The following NKTR variants were observed in gnomAD, a reference collection of about 807,000 sequenced individuals.
NKTR encodes the protein natural killer cell triggering receptor.
NKTR carries 67 observed loss-of-function variants against 156.3 expected under a neutral mutation model. The ratio of observed to expected loss-of-function variants is 0.43; its 90% CI spans 0.35 to 0.53. NKTR has a LOEUF of 0.53. Among genes scored for constraint, NKTR ranks in the 20% least tolerant of loss-of-function variants. The pLI, the probability that NKTR is intolerant of heterozygous loss-of-function variation, is 0.01. For synonymous variants in NKTR, 640 were observed against 596.6 expected (o/e 1.07, Z -1.06); for missense variants, 1,604 against 1,730.9 (o/e 0.93, Z 1.30).
intron 8 of NKTR, 36 bp from the exon 9 acceptor site, chr3:42,632,565 T>C: frequency 7.5e-7 from 1 of 1,339,768 alleles, no homozygotes; most frequent in Non-Finnish European, 1.1e-6. Flanking sequence ...AGGCACTGAA[T>C]TTAGTACTAA....
intron 13 of NKTR, among the ~76,000 whole-genome samples, chr3:42,641,697 G>A (rs1709900205): frequency 6.6e-6 from 1 of 152,068 alleles, no homozygotes; most frequent in African/African-American, 2.4e-5. Flanking sequence ...AACCAACATG[G>A]TGAAACCCTG....
intron 2 of NKTR, among the ~76,000 whole-genome samples, chr3:42,610,324 T>C (rs1005814382): frequency 4.6e-5 from 7 of 152,160 alleles, no homozygotes; most frequent in African/African-American, 1.7e-4. Context: ...CTAGAATTTC[T>C]GAAAGAGCAT....
In NKTR at chr3:42,635,328, T is replaced by G; in HGVS notation, c.1125T>G (p.Tyr375Ter). 6.2e-7 allele frequency: 1 copy of G among 1,613,084 alleles called. No homozygotes were observed. The highest frequency in any genetic ancestry group is 8.5e-7 in the Non-Finnish European group (1 of 1,179,510). Residue 375 changes from tyrosine to a stop codon, truncating the protein, a stop_gained, in exon 12 of 17, where the codon TAT becomes TAG. Coordinates refer to ENST00000232978, the MANE Select transcript of NKTR (RefSeq NM_005385.4). LOFTEE classifies it high-confidence loss of function. ...AGGAAATGCAGAGATTAAGAGCATA[T>G]AGACCACCTAGTGGAGAAAAATGGA... ...WKEEMQRLRAYRPPSGEKWSK... is the reference protein window; with the variant it reads ...WKEEMQRLRA
intron 2 of NKTR, 125 bp from the exon 3 acceptor site, chr3:42,617,445 C>A: frequency 1.7e-6 from 1 of 573,200 alleles, no homozygotes; most frequent in South Asian, 2.3e-5. Flanking sequence ...CCCATTACAT[C>A]TTTTAAAAAA....
At position 42,627,989 on chromosome 3, in the gene NKTR, G is replaced by A. The variant is rs1238366530; in HGVS notation, c.375-2557G>A. 6.1e-6 allele frequency: 6 copies of A among 985,098 alleles called. No homozygotes were observed. In the East Asian group the frequency reaches 3.4e-4, roughly 56 times the overall value. 61.0% of individuals were successfully genotyped at this position (985,098 alleles called of 1,614,324 possible). On this transcript the variant is annotated intron_variant, in intron 6 of 16. Transcript: ENST00000232978. ...TGGATTGTGGATATTATTTCTCTCC[G>A]CCCTTTTGTAACCCTCTTTGGCTAA...
intron 6 of NKTR, chr3:42,627,608 A>G (rs1708507475): frequency 3.0e-6 from 3 of 985,248 alleles, no homozygotes; most frequent in South Asian, 4.7e-5. Flanking sequence ...TAAGATTTAT[A>G]AGGCTTAAAT....
At chr3:42,635,451 T>C in intron 12 of NKTR, 85 bp downstream of exon 12, 1 of 1,074,484 alleles carries the variant, frequency 9.3e-7, no homozygotes, top group Non-Finnish European at 1.3e-6. Flanking sequence ...GACTTTTCAT[T>C]AAAGATTCAG....
intron 1 of NKTR, 89 bp downstream of exon 1, chr3:42,600,867 C>G (rs1039632663): frequency 5.1e-6 from 3 of 591,594 alleles, no homozygotes; most frequent in Admixed American, 8.7e-5. Context: ...CCTGCGCTGT[C>G]GCGACGGGCC....
intron 5 of NKTR, chr3:42,620,867 G>A (rs528892365): frequency 3.1e-6 from 3 of 968,750 alleles, no homozygotes; most frequent in East Asian, 2.3e-4. Flanking sequence ...GTTTCACAGG[G>A]CTTTCTTCCT....
intron 7 of NKTR, 194 bp downstream of exon 7, chr3:42,630,769 CTG>C: frequency 7.2e-7 from 1 of 1,391,910 alleles, no homozygotes; most frequent in Non-Finnish European, 9.3e-7. Flanking sequence ...AGGAGTCAAT[CTG>C]TGCTCATGGA....
chr3:42,619,961 C>T (rs1365408969), intron 5 of NKTR: 3 of 1,526,090 alleles, frequency 2.0e-6, no homozygotes, highest in Non-Finnish European at 1.8e-6. Context: ...CAACTATATA[C>T]ATGAAAACTC....
chr3:42,641,557 T>C (rs1709884428), intron 13 of NKTR, among the ~76,000 whole-genome samples: 1 of 152,152 alleles, frequency 6.6e-6, no homozygotes, highest in Non-Finnish European at 1.5e-5. Context: ...ATATAATACA[T>C]ACTCATGTAC....
intron 2 of NKTR, chr3:42,602,155 G>C (rs2125751823): frequency 1.3e-5 from 2 of 152,260 alleles, no homozygotes; most frequent in Non-Finnish European, 2.9e-5. Context: ...CTTTAACAAT[G>C]GTCTTATATA....
chr3:42,641,489 C>T (rs987537407), intron 13 of NKTR, among the ~76,000 whole-genome samples: 1 of 152,104 alleles, frequency 6.6e-6, no homozygotes, highest in Non-Finnish European at 1.5e-5. Context: ...GTACTGCTTA[C>T]ATTTTTGCTT....
At chr3:42,625,330 A>G (rs1403944227) in intron 6 of NKTR, among the ~76,000 whole-genome samples, 1 of 152,196 alleles carries the variant, frequency 6.6e-6, no homozygotes, top group Non-Finnish European at 1.5e-5. Flanking sequence ...ATTAATAATT[A>G]TAACAATGTA....
chr3:42,610,588 C>A (rs532442898), intron 2 of NKTR, among the ~76,000 whole-genome samples: 1 of 150,246 alleles, frequency 6.7e-6, no homozygotes, highest in Non-Finnish European at 1.5e-5. Context: ...TGGTTTCTAT[C>A]GTGGGATTTT....
rs137896128 is a variant in NKTR at position 42,639,063 on chromosome 3, A to G, written c.3359A>G (p.Glu1120Gly). ...GAAGAAAGTGTTCCCAATGGAGTGG[A>G]AGATGTGCTTCAAACAGATGACAAC... Reference protein sequence around the residue: ...HVEESVPNGVEDVLQTDDNME... With the variant: ...HVEESVPNGVGDVLQTDDNME... The change falls in exon 13 of 17, where the codon GAA becomes GGA. Residue 1120 changes from glutamate (E) to glycine (G), a missense_variant. Glu to Gly is a moderately conservative substitution (Grantham distance 98). This residue lies in a region of NKTR where 1,255 missense variants were observed against 1,243.7 expected (regional missense o/e 1.01). Coordinates refer to ENST00000232978, the MANE Select transcript of NKTR (RefSeq NM_005385.4). 2.1e-5 allele frequency: 34 copies of G among 1,614,088 alleles called. No homozygotes were observed. The African/African-American group carries it at 3.7e-4, about 18-fold the overall frequency.
chr3:42,638,887 C>T lies in NKTR; in HGVS notation c.3183C>T (p.Ser1061=). The T allele has an allele frequency of 6.2e-7, 1 of 1,610,886 alleles. No homozygotes were observed. The highest frequency in any genetic ancestry group is 8.5e-7 in the Non-Finnish European group (1 of 1,178,978). ...IKDNILKTEK[S]SEEDLSGKHD... ...ATAATATTCTAAAAACTGAGAAATCCAGTGAAGAGGACCTTTCAGGTAAAC... is the reference window on the plus strand; with the variant it reads ...ATAATATTCTAAAAACTGAGAAATCTAGTGAAGAGGACCTTTCAGGTAAAC... The change falls in exon 13 of 17, where the codon TCC becomes TCT. Residue 1061 remains serine, a synonymous_variant. Coordinates refer to ENST00000232978, the MANE Select transcript of NKTR (RefSeq NM_005385.4).
At chr3:42,631,751 CAGA>C (rs1323621392) in intron 8 of NKTR, among the ~76,000 whole-genome samples, 1 of 152,162 alleles carries the variant, frequency 6.6e-6, no homozygotes, top group Non-Finnish European at 1.5e-5. Context: ...TCATCCAAAG[CAGA>C]AGTCTTTATG....
Sources: allele counts gnomAD v4.1 joint callset (sites outside exome capture counted in the v4.1 genomes callset), GRCh38; gene constraint gnomAD v4.1.1; regional missense constraint gnomAD v4.1.1; transcripts MANE v1.5; gene names NCBI Gene and HGNC (gene_info 2026-07-23, HGNC 2026-07-21).